Variants in MACROD1 observed in about 807,000 individuals in gnomAD.
MACROD1 encodes the protein ADP-ribose glycohydrolase MACROD1.
Under a neutral mutation model 41.4 loss-of-function variants are expected in MACROD1, and 31 were observed. That is an observed-to-expected ratio of 0.75 (90% confidence interval 0.56 to 1.01). The LOEUF (loss-of-function observed/expected upper bound fraction) is 1.01. MACROD1 is among the 50% of genes least tolerant of loss of function. MACROD1 has a pLI of 0.00. For synonymous variants in MACROD1, 252 were observed against 203.4 expected (o/e 1.24, Z -2.03); for missense variants, 473 against 460.0 (o/e 1.03, Z -0.26).
rs1196886653 is a variant in MACROD1 at position 64,120,282 on chromosome 11, C to T, written c.517+30957G>A. Among the ~76,000 whole-genome samples, 14 of 152,318 alleles carry T rather than the reference C, an allele frequency of 9.2e-5. No homozygotes were observed. In the South Asian group the frequency reaches 2.9e-3, roughly 32 times the overall value. On this transcript the variant is annotated intron_variant, in intron 3 of 10. Transcript: ENST00000255681. The surrounding 1 kb of genome is among the most constrained non-coding windows in gnomAD (Gnocchi z 4.5). ...CTGGGGAACAGCCGAGCAGCGTGGT[C>T]ACGTTTCACTCGAAACTAGACGTGT...
intron 3 of MACROD1, among the ~76,000 whole-genome samples, chr11:64,140,601 C>A (rs1030345193): frequency 1.3e-5 from 2 of 152,226 alleles, no homozygotes; most frequent in Non-Finnish European, 2.9e-5. Flanking sequence ...GCTATGGCAA[C>A]AAGAACTAGA....
At chr11:64,018,369 G>A (rs1943109945) in intron 3 of MACROD1, among the ~76,000 whole-genome samples, 1 of 152,180 alleles carries the variant, frequency 6.6e-6, no homozygotes, top group African/African-American at 2.4e-5. Context: ...CCCCCGTTCT[G>A]GCCCCTGGGC....
chr11:64,008,256 C>T (rs977456713), intron 4 of MACROD1, among the ~76,000 whole-genome samples: 1 of 151,916 alleles, frequency 6.6e-6, no homozygotes, highest in African/African-American at 2.4e-5. Flanking sequence ...AGGGAGGTGG[C>T]AAGAGAAAGA....
rs185161529 is a variant in MACROD1, at chr11:64,001,717, G to A, written c.548-1374C>T. On this transcript the variant is annotated intron_variant, in intron 4 of 10. Coordinates refer to ENST00000255681, the MANE Select transcript of MACROD1 (RefSeq NM_014067.4). ...TCCACCTGCTCCTCTCCTCTGCAGG[G>A]AGAAAGGCAGCTGTAGCCCAGGGCG... is the stretch of plus-strand genomic sequence containing the variant. 201 of 702,356 alleles carry A rather than the reference G, an allele frequency of 2.9e-4. 1 individual carries two copies. The highest frequency in any genetic ancestry group is 4.4e-4 in the Non-Finnish European group (168 of 384,812). 43.5% of individuals were successfully genotyped at this position (702,356 alleles called of 1,614,324 possible). A position where few individuals can be genotyped will look rare whatever the true frequency, so the allele number is the denominator to read the frequency against.
intron 3 of MACROD1, among the ~76,000 whole-genome samples, chr11:64,137,100 A>C (rs573350924): frequency 1.3e-5 from 2 of 152,314 alleles, no homozygotes; most frequent in African/African-American, 4.8e-5. Context: ...TTAAACTCCG[A>C]TATTAAGGAG....
intron 4 of MACROD1, among the ~76,000 whole-genome samples, chr11:64,007,213 G>A (rs940782669): frequency 6.6e-6 from 1 of 152,196 alleles, no homozygotes; most frequent in African/African-American, 2.4e-5. Context: ...GACGTGCCAC[G>A]TGCCAGCCCT....
chr11:64,062,051 C>G (rs1238194728), intron 3 of MACROD1, among the ~76,000 whole-genome samples: 1 of 149,578 alleles, frequency 6.7e-6, no homozygotes, highest in Non-Finnish European at 1.5e-5. Context: ...CTGTCCAAAG[C>G]CTCTGCCTGG....
At chr11:64,147,249 T>C (rs1356428887) in intron 3 of MACROD1, among the ~76,000 whole-genome samples, 3 of 151,626 alleles carry the variant, frequency 2.0e-5, no homozygotes, top group Non-Finnish European at 4.4e-5. Context: ...TAATTTTTTT[T>C]TTGGTAGAGA....
chr11:64,163,283 A>G (rs559296767), intron 1 of MACROD1, among the ~76,000 whole-genome samples: 87 of 152,338 alleles, frequency 5.7e-4, no homozygotes, highest in African/African-American at 2.0e-3. Flanking sequence ...CTGGACAAAA[A>G]GAGTGAAACT....
chr11:64,029,539 TC>T (rs1302463500), intron 3 of MACROD1, among the ~76,000 whole-genome samples: 1 of 151,952 alleles, frequency 6.6e-6, no homozygotes, highest in Non-Finnish European at 1.5e-5. Context: ...TTCCTCACTG[TC>T]CCGGGGGTCC....
Position 64,166,031 on chromosome 11 carries a change from A to G in MACROD1, c.-37T>C. Reference sequence around the variant, plus strand: ...GCGGGACGGCTCTCCGCCCACTTGGACTCTATTTACGGCGCTCGGGAGTGT... The same window carrying G: ...GCGGGACGGCTCTCCGCCCACTTGGGCTCTATTTACGGCGCTCGGGAGTGT... On this transcript the variant is annotated 5_prime_UTR_variant, in exon 1 of 11. Transcript: ENST00000255681. 1 of 1,250,240 alleles carries G rather than the reference A, an allele frequency of 8.0e-7. No homozygotes were observed. The highest frequency in any genetic ancestry group is 1.0e-6 in the Non-Finnish European group (1 of 1,000,010). 77.4% of individuals were successfully genotyped at this position (1,250,240 alleles called of 1,614,324 possible).
At chr11:64,027,494 G>T (rs763100838) in intron 3 of MACROD1, among the ~76,000 whole-genome samples, 2 of 152,150 alleles carry the variant, frequency 1.3e-5, no homozygotes, top group Non-Finnish European at 2.9e-5. Flanking sequence ...GGATGCGATT[G>T]GCTCAGAACT....
chr11:64,118,732 C>G (rs144040219), intron 3 of MACROD1: 1 of 170,014 alleles, frequency 5.9e-6, no homozygotes, highest in East Asian at 1.8e-4. Context: ...GCAGCTCTCC[C>G]GCCACTGGCC....
chr11:64,163,849 C>T (rs1945793710), intron 1 of MACROD1, among the ~76,000 whole-genome samples: 1 of 152,192 alleles, frequency 6.6e-6, no homozygotes, highest in African/African-American at 2.4e-5. Flanking sequence ...CACATCTCAC[C>T]CCCGAAAGCG....
intron 3 of MACROD1, among the ~76,000 whole-genome samples, chr11:64,098,645 T>C (rs1944619580): frequency 6.6e-6 from 1 of 152,192 alleles, no homozygotes; most frequent in South Asian, 2.1e-4. Flanking sequence ...TTTTCATCTA[T>C]AAAGGTCAGA....
rs1432202519 is a variant in MACROD1, at chr11:64,096,099, T to C, written c.517+55140A>G. The stretch of plus-strand genomic sequence containing the variant: ...CGTGGGGCCCACTTCACAGCCAGGC[T>C]GCCAGGAGACGCTGTGAGAGTGCCC... On this transcript the variant is annotated intron_variant, in intron 3 of 10. Transcript: ENST00000255681. The surrounding 1 kb of genome is among the most constrained non-coding windows in gnomAD (Gnocchi z 4.6). Among the ~76,000 whole-genome samples, 1 of 152,218 alleles carries C rather than the reference T, an allele frequency of 6.6e-6. No individual in the cohort carries two copies. The highest frequency in any genetic ancestry group is 1.5e-5 in the Non-Finnish European group (1 of 68,046).
chr11:64,045,127 C>T (rs1331653170), intron 3 of MACROD1, among the ~76,000 whole-genome samples: 5 of 152,076 alleles, frequency 3.3e-5, no homozygotes, highest in Admixed American at 6.5e-5. Flanking sequence ...GTGCTTCTGC[C>T]TCGGCCGAGT....
In MACROD1 at chr11:63,999,695, TGCGGAGCTCG is replaced by T. The variant is rs1327262767; in HGVS notation, c.723_732del (p.Glu242AlafsTer4). The T allele has an allele frequency of 6.2e-7, 1 of 1,609,054 alleles. No homozygotes were observed. The highest frequency in any genetic ancestry group is 8.5e-7 in the Non-Finnish European group (1 of 1,179,248). On this transcript the variant is annotated frameshift_variant, in exon 6 of 11. Transcript: ENST00000255681. LOFTEE classifies it high-confidence loss of function. Reference sequence around the variant, plus strand: ...AGGTCCAGACTGCTCAGGTAGCAGCTGCGGAGCTCGGCAGCCTGACTGGCGCTGGGCTCCC... The same window carrying T: ...AGGTCCAGACTGCTCAGGTAGCAGCTGCAGCCTGACTGGCGCTGGGCTCCC...
rs1329610184 is a variant in MACROD1, at chr11:64,082,499, G to T, written c.518-67218C>A. ...AGGCTGGGGCCAAGAGCTGGTCCCA[G>T]GGGGTGAAACAAGGCTCGGTGCCTA... On this transcript the variant is annotated intron_variant, in intron 3 of 10. Coordinates refer to ENST00000255681, the MANE Select transcript of MACROD1 (RefSeq NM_014067.4). This position sits in a 1 kb window ranked among gnomAD's most constrained non-coding sequence, Gnocchi z 4.5. Among the ~76,000 whole-genome samples, 2 of 152,104 alleles carry T rather than the reference G, an allele frequency of 1.3e-5. No homozygotes were observed. Among genetic ancestry groups the T allele is most frequent in the South Asian group, 2.1e-4 (1 of 4,816 alleles).
Sources: allele counts gnomAD v4.1 joint callset (sites outside exome capture counted in the v4.1 genomes callset), GRCh38; gene constraint gnomAD v4.1.1; non-coding constraint Gnocchi (gnomAD v3.1); transcripts MANE v1.5; gene names NCBI Gene and HGNC (gene_info 2026-07-23, HGNC 2026-07-21).